The following DEFB125 variants were observed in gnomAD, a reference collection of about 807,000 sequenced individuals.
The protein encoded by DEFB125 is defensin beta 125.
Under a neutral mutation model 11.8 loss-of-function variants are expected in DEFB125, and 11 were observed. The observed-to-expected ratio is 0.94, with a 90% confidence interval of 0.59 to 1.55. The LOEUF is 1.55. DEFB125 is among the 40% of genes most tolerant of loss of function. The pLI is 0.00. For missense variants in DEFB125, 198 were observed against 191.2 expected (o/e 1.04, Z -0.21); for synonymous variants, 79 against 66.7 (o/e 1.18, Z -0.90).
In DEFB125 at chr20:87,917, C is replaced by T; in HGVS notation, c.58+150C>T. On this transcript the variant is annotated intron_variant, in intron 1 of 1. Transcript: ENST00000382410. ...ATGCTCTTATTTTGGCAGCTCCATG[C>T]CCCTAGTCTCTGAGAATCTTTCTGT... The T allele has an allele frequency of 5.3e-6, 4 of 752,430 alleles. No individual in the cohort carries two copies. In the East Asian group the frequency reaches 7.7e-5, roughly 14 times the overall value. 46.6% of individuals were successfully genotyped at this position (752,430 alleles called of 1,614,324 possible).
rs2054516886 is a variant in DEFB125, at chr20:96,610, T to G, written c.*193T>G. 1 of 606,814 alleles carries G rather than the reference T, an allele frequency of 1.6e-6. No individual in the cohort carries two copies. Among genetic ancestry groups the G allele is most frequent in the Admixed American group, 3.2e-5 (1 of 31,512 alleles). 37.6% of individuals were successfully genotyped at this position (606,814 alleles called of 1,614,324 possible). On this transcript the variant is annotated 3_prime_UTR_variant, in exon 2 of 2. Coordinates refer to ENST00000382410, the MANE Select transcript of DEFB125 (RefSeq NM_153325.4). ...ACAATTAGAAATGTGTAGACAGAAA[T>G]GTATAGAAGATACAAGGATTCTCTT...
chr20:90,354 T>C (rs1360554555), intron 1 of DEFB125, among the ~76,000 whole-genome samples: 1 of 152,236 alleles, frequency 6.6e-6, no homozygotes, highest in Non-Finnish European at 1.5e-5. Context: ...TATCTATGAT[T>C]TTTCTATATC....
intron 1 of DEFB125, among the ~76,000 whole-genome samples, chr20:93,062 C>T (rs1427689680): frequency 5.3e-5 from 8 of 151,486 alleles, no homozygotes; most frequent in Non-Finnish European, 7.4e-5. Flanking sequence ...CCTTCGCCTC[C>T]CAGGTTCAAG....
At position 96,410 on chromosome 20, in the gene DEFB125, ATAAT is replaced by A; in HGVS notation, c.*1_*4del. 6.2e-7 allele frequency: 1 copy of A among 1,606,542 alleles called. No homozygotes were observed. The highest frequency in any genetic ancestry group is 8.5e-7 in the Non-Finnish European group (1 of 1,176,266). ...CCACCTTCTCAGACAGCTCTTACTCATAATTAATTAACATTTACTTCTGGTATGG... is the reference window on the plus strand; with the variant it reads ...CCACCTTCTCAGACAGCTCTTACTCATAATTAACATTTACTTCTGGTATGG... On this transcript the variant is annotated frameshift_variant, in exon 2 of 2. Coordinates refer to ENST00000382410, the MANE Select transcript of DEFB125 (RefSeq NM_153325.4). LOFTEE classifies it high-confidence loss of function.
chr20:91,753 G>A (rs982067115), intron 1 of DEFB125, among the ~76,000 whole-genome samples: 1 of 152,182 alleles, frequency 6.6e-6, no homozygotes, highest in Non-Finnish European at 1.5e-5. Flanking sequence ...GAGAAGAAGA[G>A]AGCCAAGATG....
At chr20:90,394 A>G (rs1000511578) in intron 1 of DEFB125, among the ~76,000 whole-genome samples, 1 of 152,200 alleles carries the variant, frequency 6.6e-6, no homozygotes, top group Admixed American at 6.5e-5. Context: ...CAGGAAGTCT[A>G]TTACATCTGC....
Position 96,596 on chromosome 20 carries a change from T to C in DEFB125, c.*179T>C, listed in dbSNP as rs2054516869. 1.5e-6 allele frequency: 1 copy of C among 682,900 alleles called. No homozygotes were observed. Among genetic ancestry groups the C allele is most frequent in the Middle Eastern group, 3.4e-4 (1 of 2,904 alleles). The allele number at this position is 682,900 out of a possible 1,614,324, so 42.3% of individuals were successfully genotyped here. A position where few individuals can be genotyped will look rare whatever the true frequency, so the allele number is the denominator to read the frequency against. Reference sequence around the variant, plus strand: ...AAGAGAGTTGCCTTACAATTAGAAATGTGTAGACAGAAATGTATAGAAGAT... The same window carrying C: ...AAGAGAGTTGCCTTACAATTAGAAACGTGTAGACAGAAATGTATAGAAGAT... On this transcript the variant is annotated 3_prime_UTR_variant, in exon 2 of 2. Coordinates refer to ENST00000382410, the MANE Select transcript of DEFB125 (RefSeq NM_153325.4).
chr20:94,618 T>G (rs1195077082), intron 1 of DEFB125, among the ~76,000 whole-genome samples: 2 of 152,200 alleles, frequency 1.3e-5, no homozygotes, highest in African/African-American at 4.8e-5. Context: ...GTTCACCTTT[T>G]GCTGTGCAGC....
intron 1 of DEFB125, among the ~76,000 whole-genome samples, chr20:88,173 G>A (rs2054483156): frequency 6.6e-6 from 1 of 152,082 alleles, no homozygotes; most frequent in South Asian, 2.1e-4. Flanking sequence ...TCAGAGGGAG[G>A]CCCTCACTTT....
intron 1 of DEFB125, among the ~76,000 whole-genome samples, chr20:88,526 GAATC>G (rs1310515550): frequency 1.3e-5 from 2 of 152,058 alleles, no homozygotes; most frequent in African/African-American, 4.8e-5. Context: ...TTCCCCTTCA[GAATC>G]AATCAATGTT....
intron 1 of DEFB125, among the ~76,000 whole-genome samples, chr20:90,627 C>T (rs1260996259): frequency 2.0e-5 from 3 of 152,206 alleles, no homozygotes; most frequent in Non-Finnish European, 2.9e-5. Flanking sequence ...ATGGCCCCCT[C>T]TATACTCAGA....
At chr20:87,827 C>T in intron 1 of DEFB125, 60 bp downstream of exon 1, 3 of 1,551,930 alleles carry the variant, frequency 1.9e-6, no homozygotes, top group Non-Finnish European at 1.8e-6. Context: ...CTTGGGCTCC[C>T]CTGGTATCAT....
chr20:95,157 T>C (rs1436414358), intron 1 of DEFB125, among the ~76,000 whole-genome samples: 1 of 152,218 alleles, frequency 6.6e-6, no homozygotes, highest in Admixed American at 6.5e-5. Context: ...TTGCTGGAGC[T>C]CTGCTCTGCT....
chr20:95,230 T>G (rs1342560427), intron 1 of DEFB125, among the ~76,000 whole-genome samples: 1 of 152,168 alleles, frequency 6.6e-6, no homozygotes, highest in Non-Finnish European at 1.5e-5. Flanking sequence ...ATCTTATTGG[T>G]CCTTTTAAGT....
intron 1 of DEFB125, among the ~76,000 whole-genome samples, chr20:95,596 G>T (rs555504867): frequency 1.3e-5 from 2 of 152,182 alleles, no homozygotes; most frequent in Non-Finnish European, 2.9e-5. Context: ...TGGCCTCATA[G>T]AATAAGTTAA....
intron 1 of DEFB125, among the ~76,000 whole-genome samples, chr20:90,999 A>G (rs2054494181): frequency 6.6e-6 from 1 of 152,190 alleles, no homozygotes; most frequent in Non-Finnish European, 1.5e-5. Flanking sequence ...CTACAAAATA[A>G]TGTACTTTTT....
chr20:93,963 A>G (rs1418487387), intron 1 of DEFB125, among the ~76,000 whole-genome samples: 1 of 152,184 alleles, frequency 6.6e-6, no homozygotes, highest in Non-Finnish European at 1.5e-5. Context: ...GGAAGAAAAC[A>G]TAAATGGATG....
At chr20:95,583 T>C (rs754567922) in intron 1 of DEFB125, among the ~76,000 whole-genome samples, 7 of 152,202 alleles carry the variant, frequency 4.6e-5, no homozygotes, top group Non-Finnish European at 8.8e-5. Flanking sequence ...CTCAGGATGA[T>C]GCTGGCCTCA....
In DEFB125 at chr20:96,090, T is replaced by G; in HGVS notation, c.144T>G (p.Leu48=). 1 of 1,614,100 alleles carries G rather than the reference T, an allele frequency of 6.2e-7. No individual in the cohort carries two copies. Residue 48 remains leucine, a synonymous_variant, in exon 2 of 2, where the codon CTT becomes CTG. Transcript: ENST00000382410. ...TAGATACTGAAAGGTACATACTTCT[T>G]TGTAGGAACAAGCTATCATGCTGCA... ...RCLDTERYIL[L]CRNKLSCCIS... is the part of the protein sequence containing the mutation.
Sources: allele counts gnomAD v4.1 joint callset (sites outside exome capture counted in the v4.1 genomes callset), GRCh38; gene constraint gnomAD v4.1.1; transcripts MANE v1.5; gene names NCBI Gene and HGNC (gene_info 2026-07-23, HGNC 2026-07-21).